The following GRM5 variants were observed in gnomAD, a reference collection of about 807,000 sequenced individuals.
GRM5 encodes the protein glutamate metabotropic receptor 5.
Under a neutral mutation model 83.1 loss-of-function variants are expected in GRM5, and 19 were observed. The observed-to-expected ratio is 0.23, with a 90% CI of 0.16 to 0.34. The LOEUF is 0.34. Among genes scored for constraint, GRM5 ranks in the 10% least tolerant of loss-of-function variants. The pLI is 1.00. For synonymous variants in GRM5, 675 were observed against 633.6 expected (o/e 1.07, Z -0.98); for missense variants, 1,160 against 1,588.3 (o/e 0.73, Z 4.58).
At chr11:89,058,253 G>A (rs1941917755) in intron 1 of GRM5, among the ~76,000 whole-genome samples, 2 of 151,982 alleles carry the variant, frequency 1.3e-5, no homozygotes, top group African/African-American at 4.8e-5. Flanking sequence ...TTTAGATAAG[G>A]GTTTCTCAAC....
chr11:89,003,256 T>C (rs1174523942), intron 2 of GRM5, among the ~76,000 whole-genome samples: 1 of 152,018 alleles, frequency 6.6e-6, no homozygotes, highest in Non-Finnish European at 1.5e-5. Context: ...GAGGAAGGTA[T>C]TAAAACCGGA....
chr11:88,736,761 C>T (rs906152816), intron 3 of GRM5, among the ~76,000 whole-genome samples: 4 of 152,004 alleles, frequency 2.6e-5, no homozygotes, highest in African/African-American at 4.8e-5. Flanking sequence ...TACTGTAATA[C>T]ACCATGACAA....
At chr11:88,685,230 C>G in intron 3 of GRM5, among the ~76,000 whole-genome samples, 1 of 152,136 alleles carries the variant, frequency 6.6e-6, no homozygotes, top group African/African-American at 2.4e-5. Context: ...GCAAAGGTGA[C>G]TCTTGTTATG....
intron 3 of GRM5, among the ~76,000 whole-genome samples, chr11:88,748,272 G>C (rs1249025106): frequency 6.6e-6 from 1 of 152,096 alleles, no homozygotes; most frequent in Non-Finnish European, 1.5e-5. Flanking sequence ...CCAGCCCTGG[G>C]ATTCCTAGCA....
At chr11:88,925,691 C>A in intron 2 of GRM5, 2 of 448,956 alleles carry the variant, frequency 4.5e-6, no homozygotes, top group South Asian at 3.1e-5. Flanking sequence ...GCAAGCAGAT[C>A]ACTTGAGGCC....
At chr11:88,942,113 A>G (rs888660716) in intron 2 of GRM5, among the ~76,000 whole-genome samples, 3 of 152,092 alleles carry the variant, frequency 2.0e-5, no homozygotes, top group African/African-American at 7.2e-5. Context: ...CATCTTTTAG[A>G]TAACTGGGGA....
chr11:88,741,805 GGTGT>G (rs1175583660), intron 3 of GRM5, among the ~76,000 whole-genome samples: 1 of 151,996 alleles, frequency 6.6e-6, no homozygotes, highest in African/African-American at 2.4e-5. Context: ...AAGTTCTGGT[GGTGT>G]GTGTGGGTGG....
chr11:88,985,516 C>T lies in GRM5; in HGVS notation c.661+61696G>A, dbSNP rs942506517. Among the ~76,000 whole-genome samples the T allele has an allele frequency of 9.9e-5, 15 of 152,066 alleles. No individual in the cohort carries two copies. In the East Asian group the frequency reaches 1.2e-3, roughly 12 times the overall value. Reference sequence around the variant, plus strand: ...ATCTCATGAAAACTCATGTATGCTTCGGACTATGTTTTAATAAACAACACT... The same window carrying T: ...ATCTCATGAAAACTCATGTATGCTTTGGACTATGTTTTAATAAACAACACT... On this transcript the variant is annotated intron_variant, in intron 2 of 9. Transcript: ENST00000305447.
intron 2 of GRM5, among the ~76,000 whole-genome samples, chr11:88,920,276 A>T (rs894394452): frequency 3.3e-5 from 5 of 151,988 alleles, no homozygotes; most frequent in Non-Finnish European, 5.9e-5. Flanking sequence ...ATATGCCAAT[A>T]AATTGGAAAA....
At chr11:88,844,357 TACAC>T (rs3031469) in intron 3 of GRM5, among the ~76,000 whole-genome samples, 2,988 of 146,176 alleles carry the variant, frequency 0.02, 57 homozygotes, top group African/African-American at 0.044. Flanking sequence ...TCAGAATTAC[TACAC>T]ACACACACAC....
intron 2 of GRM5, among the ~76,000 whole-genome samples, chr11:89,025,364 G>T (rs1398079050): frequency 1.3e-5 from 2 of 152,156 alleles, no homozygotes; most frequent in Admixed American, 1.3e-4. Flanking sequence ...GAAAGGTAAA[G>T]ATAGGTCATA....
At chr11:88,539,495 A>G (rs1942214955) in intron 8 of GRM5, among the ~76,000 whole-genome samples, 1 of 152,186 alleles carries the variant, frequency 6.6e-6, no homozygotes, top group Non-Finnish European at 1.5e-5. Flanking sequence ...TAGTTGTTTC[A>G]TAATGTTCCT....
chr11:89,035,506 T>A (rs1174316926), intron 2 of GRM5, among the ~76,000 whole-genome samples: 1 of 151,868 alleles, frequency 6.6e-6, no homozygotes, highest in East Asian at 1.9e-4. Context: ...ATGAAGACAG[T>A]TTCTGAAGAA....
intron 2 of GRM5, among the ~76,000 whole-genome samples, chr11:89,017,968 A>T (rs1169184328): frequency 6.6e-6 from 1 of 152,066 alleles, no homozygotes; most frequent in Non-Finnish European, 1.5e-5. Flanking sequence ...TCTTTCAGTT[A>T]TATATCCACT....
intron 3 of GRM5, among the ~76,000 whole-genome samples, chr11:88,778,892 A>G (rs886330981): frequency 2.6e-5 from 4 of 152,344 alleles, no homozygotes; most frequent in African/African-American, 9.6e-5. Flanking sequence ...TACATTTTAC[A>G]TAACATTTTC....
chr11:89,026,187 G>A (rs568041410), intron 2 of GRM5, among the ~76,000 whole-genome samples: 5 of 152,230 alleles, frequency 3.3e-5, no homozygotes, highest in East Asian at 1.9e-4. Context: ...AGGAGGGAGA[G>A]AATAAAAATC....
chr11:88,866,304 C>G (rs1287227800), intron 2 of GRM5, among the ~76,000 whole-genome samples: 1 of 151,996 alleles, frequency 6.6e-6, no homozygotes, highest in African/African-American at 2.4e-5. Flanking sequence ...AACATAGGAA[C>G]AGAAAACCAA....
intron 2 of GRM5, among the ~76,000 whole-genome samples, chr11:88,928,349 A>G (rs1210802733): frequency 6.6e-6 from 1 of 151,992 alleles, no homozygotes; most frequent in Non-Finnish European, 1.5e-5. Flanking sequence ...GTGGTTCCAC[A>G]CTTGTGGGTT....
In GRM5 at chr11:88,717,619, A is replaced by T. The variant is rs559165007; in HGVS notation, c.912-64216T>A. On this transcript the variant is annotated intron_variant, in intron 3 of 9. Transcript: ENST00000305447. ...TAGCTCTAAGTAAATAAATCTTTTC[A>T]TATAGCAAAATATCGTTCTACAACT... Among the ~76,000 whole-genome samples, 4 of 152,018 alleles carry T rather than the reference A, an allele frequency of 2.6e-5. No individual in the cohort carries two copies. The South Asian group carries it at 8.3e-4, about 31-fold the overall frequency.
Sources: gnomAD v4.1 joint callset for allele counts (sites outside exome capture counted in the v4.1 genomes callset) on GRCh38, gnomAD v4.1.1 for gene constraint, MANE v1.5 for transcripts, NCBI Gene and HGNC (gene_info 2026-07-23, HGNC 2026-07-21) for gene names.